The following KIF24 variants were observed in gnomAD, a reference collection of about 807,000 sequenced individuals.
KIF24 encodes kinesin-like protein KIF24.
Under a neutral mutation model 118.9 loss-of-function variants are expected in KIF24, and 81 were observed. The ratio of observed to expected loss-of-function variants is 0.68; its 90% CI spans 0.57 to 0.82. KIF24 has a LOEUF of 0.82. Ranked by LOEUF, KIF24 falls within the 40% of genes least tolerant of loss-of-function variation. KIF24 has a pLI of 0.00. For missense variants in KIF24, 1,560 were observed against 1,661.6 expected, an observed-to-expected ratio of 0.94 and a Z score of 1.06; for synonymous variants, 599 against 610.0, an observed-to-expected ratio of 0.98 and a Z score of 0.27.
At chr9:34,316,674 T>C (rs1837339773) in intron 1 of KIF24, among the ~76,000 whole-genome samples, 1 of 152,252 alleles carries the variant, frequency 6.6e-6, no homozygotes, top group Non-Finnish European at 1.5e-5. Context: ...AGTTCTGTTT[T>C]ATGCCAAGCA....
Position 34,311,207 on chromosome 9 carries a change from T to A in KIF24, c.140A>T (p.Asp47Val). 1 of 1,613,490 alleles carries A rather than the reference T, an allele frequency of 6.2e-7. No homozygotes were observed. The highest frequency in any genetic ancestry group is 1.1e-5 in the South Asian group (1 of 90,988). ...MKDYSKLGVHDMNDRKRLFQL... is the reference protein window; with the variant it reads ...MKDYSKLGVHVMNDRKRLFQL... The stretch of plus-strand genomic sequence containing the variant: ...GAAGAGACGTTTGCGGTCGTTCATG[T>A]CATGGACTCCTAATTTGGAGTAGTC... Residue 47 changes from aspartate (D) to valine (V), a missense_variant, in exon 2 of 13, where the codon GAC (aspartate) becomes GTC (valine). Physicochemically the swap from Asp to Val is radical, Grantham distance 152. This residue lies in a region of KIF24 where 964 missense variants were observed against 988.0 expected (regional missense o/e 0.98). Coordinates refer to ENST00000402558, the MANE Select transcript of KIF24 (RefSeq NM_194313.4).
At chr9:34,333,381 C>G (rs1000272276), upstream of KIF24, among the ~76,000 whole-genome samples, 1 of 152,050 alleles carries the variant, frequency 6.6e-6, no homozygotes, top group Non-Finnish European at 1.5e-5. Context: ...AATCCCAGCA[C>G]TTTGGGAGGC....
chr9:34,294,207 G>T (rs773840260), intron 4 of KIF24, among the ~76,000 whole-genome samples: 9 of 152,100 alleles, frequency 5.9e-5, no homozygotes, highest in Non-Finnish European at 8.8e-5. Context: ...TCCCATCTCG[G>T]CCTCCCACAG....
chr9:34,309,326 G>A (rs1256914354), intron 2 of KIF24, among the ~76,000 whole-genome samples: 3 of 152,076 alleles, frequency 2.0e-5, no homozygotes, highest in African/African-American at 7.2e-5. Flanking sequence ...TGGATCACAA[G>A]GTCAGGAGAT....
rs201935231 is a variant in KIF24 at position 34,256,311 on chromosome 9, T to G, written c.3296A>C (p.Gln1099Pro). 6 of 1,613,088 alleles carry G rather than the reference T, an allele frequency of 3.7e-6. No homozygotes were observed. In the East Asian group the frequency reaches 8.9e-5, roughly 24 times the overall value. ...VVSHTVPSGD[Q>P]EAALPVSSAT... ...TGAAGACACTGGCAAGGCTGCCTCT[T>G]GATCACCAGATGGCACTGTGTGGCT... The change falls in exon 11 of 13, where the codon CAA becomes CCA. Residue 1099 changes from glutamine (Q) to proline (P), a missense_variant. Gln to Pro is a moderately conservative substitution (Grantham distance 76). Around this residue, in one of 3 missense-constraint regions of KIF24, gnomAD observed 591 missense variants for 655.6 expected, o/e 0.90. Coordinates refer to ENST00000402558, the MANE Select transcript of KIF24 (RefSeq NM_194313.4).
chr9:34,273,173 A>G (rs978401383), intron 6 of KIF24, among the ~76,000 whole-genome samples: 2 of 152,070 alleles, frequency 1.3e-5, no homozygotes, highest in South Asian at 2.1e-4. Flanking sequence ...AGCAGTGGAC[A>G]ATGTATTTTT....
At chr9:34,326,349 G>A (rs1837672602) in intron 1 of KIF24, among the ~76,000 whole-genome samples, 1 of 152,124 alleles carries the variant, frequency 6.6e-6, no homozygotes, top group Non-Finnish European at 1.5e-5. Flanking sequence ...GACAGAGTAA[G>A]AGCCTGTCTC....
chr9:34,268,259 G>A (rs1050519214), intron 8 of KIF24, among the ~76,000 whole-genome samples: 1 of 152,042 alleles, frequency 6.6e-6, no homozygotes, highest in African/African-American at 2.4e-5. Context: ...CACCTCCTGG[G>A]TTCAAGAGAT....
At chr9:34,306,469 T>A in intron 2 of KIF24, 28 bp from the exon 3 acceptor site, 2 of 1,430,246 alleles carry the variant, frequency 1.4e-6, no homozygotes, top group Non-Finnish European at 1.9e-6. Flanking sequence ...AGGCTTTTAA[T>A]TTTTAATAAT....
chr9:34,307,719 C>A (rs1192096318), intron 2 of KIF24, among the ~76,000 whole-genome samples: 2 of 151,906 alleles, frequency 1.3e-5, no homozygotes, highest in East Asian at 1.9e-4. Context: ...TCGAGACCAG[C>A]CTGGCCAACA....
rs1356580530 is a variant in KIF24, at chr9:34,269,366, G to T, written c.1338-4C>A. On this transcript the variant is annotated splice_region_variant and splice_polypyrimidine_tract_variant and intron_variant, in intron 7 of 12. Transcript: ENST00000402558. ...AGCCAAGTCAATAAAAGAGATCCTA[G>T]AGAAAAGACACAGCAGGAGTGACTT... is the stretch of plus-strand genomic sequence containing the variant. 2.0e-6 allele frequency: 3 copies of T among 1,490,062 alleles called. No individual in the cohort carries two copies. The highest frequency in any genetic ancestry group is 2.8e-6 in the Non-Finnish European group (3 of 1,070,782). The allele number at this position is 1,490,062 out of a possible 1,614,324, so 92.3% of individuals were successfully genotyped here.
At position 34,311,132 on chromosome 9, in the gene KIF24, C is replaced by T. The variant is rs1837125932; in HGVS notation, c.215G>A (p.Ser72Asn). 3 of 1,613,672 alleles carry T rather than the reference C, an allele frequency of 1.9e-6. No homozygotes were observed. Among genetic ancestry groups the T allele is most frequent in the African/African-American group, 2.7e-5 (2 of 74,922 alleles). ...TGTCTGAAGATGACGCTCTGGGATA[C>T]TGACTGCTTTATCTTCTTCTTGCAT... ...KIMQEEDKAV[S>N]IPERHLQTSS... Residue 72 changes from serine (S) to asparagine (N), a missense_variant, in exon 2 of 13, where the codon AGT becomes AAT. Around this residue, in one of 3 missense-constraint regions of KIF24, gnomAD observed 964 missense variants for 988.0 expected, o/e 0.98. Coordinates refer to ENST00000402558, the MANE Select transcript of KIF24 (RefSeq NM_194313.4).
intron 6 of KIF24, among the ~76,000 whole-genome samples, chr9:34,284,434 C>T (rs757948592): frequency 4.2e-4 from 64 of 152,166 alleles, no homozygotes; most frequent in South Asian, 8.3e-4. Flanking sequence ...ATAGAAACAA[C>T]CCCAGTTGTT....
chr9:34,255,027 G>C, intron 12 of KIF24, 45 bp downstream of exon 12: 2 of 1,282,272 alleles, frequency 1.6e-6, no homozygotes, highest in South Asian at 2.5e-5. Flanking sequence ...ATTAGCTGCA[G>C]GCTAATTCCC....
At chr9:34,297,355 G>T (rs749800193) in intron 3 of KIF24, among the ~76,000 whole-genome samples, 1 of 152,192 alleles carries the variant, frequency 6.6e-6, no homozygotes, top group Non-Finnish European at 1.5e-5. Flanking sequence ...TCTCTTAAGA[G>T]AAGTAAATTG....
At position 34,254,358 on chromosome 9, in the gene KIF24, C is replaced by A; in HGVS notation, c.*22G>T. ...GCACAGACTCCTGCAGGGCCCCCAC[C>A]ATCTCGGCACAGGGTCTGGCTCTAA... On this transcript the variant is annotated 3_prime_UTR_variant, in exon 13 of 13. Coordinates refer to ENST00000402558, the MANE Select transcript of KIF24 (RefSeq NM_194313.4). 1 of 1,600,762 alleles carries A rather than the reference C, an allele frequency of 6.2e-7. No individual in the cohort carries two copies. The highest frequency in any genetic ancestry group is 1.1e-5 in the South Asian group (1 of 89,632).
chr9:34,278,479 T>C (rs1166968560), intron 6 of KIF24, among the ~76,000 whole-genome samples: 2 of 152,048 alleles, frequency 1.3e-5, no homozygotes, highest in Non-Finnish European at 2.9e-5. Flanking sequence ...ACTTAAACTA[T>C]TTCTTTTTTT....
intron 7 of KIF24, among the ~76,000 whole-genome samples, chr9:34,269,807 G>C (rs188679991): frequency 7.7e-4 from 117 of 152,272 alleles, no homozygotes; most frequent in African/African-American, 2.7e-3. Context: ...ATACATTACT[G>C]AGCTGGGTGT....
chr9:34,276,927 C>T (rs773255515), intron 6 of KIF24, among the ~76,000 whole-genome samples: 2 of 152,166 alleles, frequency 1.3e-5, no homozygotes, highest in African/African-American at 4.8e-5. Flanking sequence ...TTAAGGCCAG[C>T]GCTGTGACTG....
Sources: gnomAD v4.1 joint callset for allele counts (sites outside exome capture counted in the v4.1 genomes callset) on GRCh38, gnomAD v4.1.1 for gene constraint, gnomAD v4.1.1 regional missense constraint, MANE v1.5 for transcripts, NCBI Gene and HGNC (gene_info 2026-07-23, HGNC 2026-07-21) for gene names.